Variants in TPM1 observed in about 807,000 individuals in gnomAD.
TPM1 encodes the protein tropomyosin alpha-1 chain.
Under a neutral mutation model 42.9 loss-of-function variants are expected in TPM1, and 24 were observed. The ratio of observed to expected loss-of-function variants is 0.56; its 90% CI spans 0.41 to 0.79. The LOEUF is 0.79. TPM1 is among the 30% of genes least tolerant of loss of function. The pLI is 0.00. For synonymous variants in TPM1, 136 were observed against 130.1 expected (o/e 1.05, Z -0.31); for missense variants, 158 against 351.8 (o/e 0.45, Z 4.41).
chr15:63,060,622 G>T (rs1385324541), intron 4 of TPM1, among the ~76,000 whole-genome samples: 1 of 152,170 alleles, frequency 6.6e-6, no homozygotes, highest in African/African-American at 2.4e-5. Flanking sequence ...GTTCACCTAG[G>T]TCAGACTTCC....
intron 9 of TPM1, chr15:63,064,779 C>CA (rs2036087587): frequency 1.6e-6 from 1 of 643,430 alleles, no homozygotes; most frequent in Non-Finnish European, 1.9e-6. Flanking sequence ...TCCTGGCTAA[C>CA]ACGGTGAAAC....
At chr15:63,068,283 G>A (rs1010838244), downstream of TPM1, among the ~76,000 whole-genome samples, 1 of 152,168 alleles carries the variant, frequency 6.6e-6, no homozygotes, top group Non-Finnish European at 1.5e-5. Context: ...AAGCGAGTCC[G>A]AACTAATAGG....
At chr15:63,048,562 T>C (rs2140725861) in intron 2 of TPM1, 2 of 1,521,952 alleles carry the variant, frequency 1.3e-6, no homozygotes, top group Non-Finnish European at 8.8e-7. Flanking sequence ...CCCGCCCGCC[T>C]ACCGTCCGGC....
chr15:63,064,229 C>T, intron 9 of TPM1, 87 bp downstream of exon 9: 1 of 1,558,794 alleles, frequency 6.4e-7, no homozygotes. Context: ...GCTCCCTAAT[C>T]TCCATCTTTG....
Position 63,044,117 on chromosome 15 carries a change from G to T in TPM1, c.205G>T (p.Glu69Ter). The change falls in exon 2 of 10, where the codon GAG becomes TAG. Residue 69 changes from glutamate (E) to a stop codon, truncating the protein, a stop_gained. Coordinates refer to ENST00000403994, the MANE Select transcript of TPM1 (RefSeq NM_001018005.2). LOFTEE classifies it high-confidence loss of function. ...KYSEALKDAQ[E>*]KLELAEKKAT... Reference sequence around the variant, plus strand: ...CTCTGAGGCTCTCAAAGATGCCCAGGAGAAGCTGGAGCTGGCAGAGAAAAA... The same window carrying T: ...CTCTGAGGCTCTCAAAGATGCCCAGTAGAAGCTGGAGCTGGCAGAGAAAAA... The T allele has an allele frequency of 6.2e-7, 1 of 1,614,208 alleles. No homozygotes were observed. Among genetic ancestry groups the T allele is most frequent in the Non-Finnish European group, 8.5e-7 (1 of 1,180,034 alleles).
chr15:63,068,725 T>TC (rs758062495), downstream of TPM1, among the ~76,000 whole-genome samples: 1 of 152,074 alleles, frequency 6.6e-6, no homozygotes, highest in Admixed American at 6.5e-5. Flanking sequence ...GCACTTGTTT[T>TC]CCCCCGTAAG....
downstream of TPM1, chr15:63,070,036 A>C: frequency 6.3e-7 from 1 of 1,592,816 alleles, no homozygotes; most frequent in Non-Finnish European, 8.6e-7. Flanking sequence ...ATAGAGTTGA[A>C]AACAGTTGCT....
intron 5 of TPM1, 149 bp from the exon 6 acceptor site, chr15:63,061,564 A>G (rs376770370): frequency 8.3e-6 from 7 of 848,392 alleles, no homozygotes; most frequent in Non-Finnish European, 1.4e-5. Context: ...TGGAAAACCT[A>G]AACATTTTAA....
exon 9 of TPM1, chr15:63,071,881 T>C (rs1474499701): frequency 1.3e-5 from 2 of 153,046 alleles, no homozygotes. Context: ...TATAATGATA[T>C]GGAATAAAAT....
chr15:63,051,214 A>G (rs2033789577), intron 2 of TPM1, among the ~76,000 whole-genome samples: 1 of 152,234 alleles, frequency 6.6e-6, no homozygotes, highest in South Asian at 2.1e-4. Context: ...GTTCTTAATT[A>G]GTAACATGAT....
rs924175776 is a variant in TPM1 at position 63,071,325 on chromosome 15, C to G, written c.*153C>G. ...GGTCAGGGGGTGGGGAAAACACATA[C>G]AAAAAGGCAAGCCCATGTCAGGGCG... On this transcript the variant is annotated 3_prime_UTR_variant, in exon 9 of 9. Transcript: ENST00000267996. 4 of 826,618 alleles carry G rather than the reference C, an allele frequency of 4.8e-6. No individual in the cohort carries two copies. In the East Asian group the frequency reaches 8.7e-5, roughly 18 times the overall value. The allele number at this position is 826,618 out of a possible 1,614,324, so 51.2% of individuals were successfully genotyped here. A position where few individuals can be genotyped will look rare whatever the true frequency, so the allele number is the denominator to read the frequency against.
chr15:63,047,574 G>A (rs1487239344), intron 2 of TPM1: 1 of 152,250 alleles, frequency 6.6e-6, no homozygotes, highest in African/African-American at 2.4e-5. Context: ...AGATCTCAGA[G>A]GCTGGTCTGA....
chr15:63,067,157 C>T (rs1321109158), downstream of TPM1, among the ~76,000 whole-genome samples: 4 of 151,690 alleles, frequency 2.6e-5, no homozygotes, highest in African/African-American at 7.3e-5. Context: ...TTTTTTAGCC[C>T]GAGAGGGCTG....
rs1002469260 is a variant in TPM1, at chr15:63,042,778, C to T, written c.-52C>T. 7.3e-6 allele frequency: 11 copies of T among 1,516,556 alleles called. No homozygotes were observed. In the Middle Eastern group the frequency reaches 5.6e-4, roughly 78 times the overall value. 93.9% of individuals were successfully genotyped at this position (1,516,556 alleles called of 1,614,324 possible). A position where few individuals can be genotyped will look rare whatever the true frequency, so the allele number is the denominator to read the frequency against. On this transcript the variant is annotated 5_prime_UTR_variant, in exon 1 of 10. Coordinates refer to ENST00000403994, the MANE Select transcript of TPM1 (RefSeq NM_001018005.2). Reference sequence around the variant, plus strand: ...ACTCCCGCTCCTCCGCCCGACCGCGCGCTCGCCCCGCCGCTCCTGCTGCAG... The same window carrying T: ...ACTCCCGCTCCTCCGCCCGACCGCGTGCTCGCCCCGCCGCTCCTGCTGCAG...
downstream of TPM1, among the ~76,000 whole-genome samples, chr15:63,068,671 A>C (rs2036421941): frequency 6.6e-6 from 1 of 152,176 alleles, no homozygotes; most frequent in Non-Finnish European, 1.5e-5. Flanking sequence ...CTTGCTTGTC[A>C]TAGCTTGGAT....
Position 63,062,199 on chromosome 15 carries a change from C to T in TPM1, c.640-16C>T. The T allele has an allele frequency of 6.2e-7, 1 of 1,613,004 alleles. No individual in the cohort carries two copies. Among genetic ancestry groups the T allele is most frequent in the Non-Finnish European group, 8.5e-7 (1 of 1,179,038 alleles). ...GAGCTGCAGCCTGACATCTGGAATG[C>T]TCTTTCTAATTACAGTACTCGCAGA... On this transcript the variant is annotated splice_polypyrimidine_tract_variant and intron_variant, in intron 6 of 9. Coordinates refer to ENST00000403994, the MANE Select transcript of TPM1 (RefSeq NM_001018005.2).
At chr15:63,048,403 G>C (rs1285986544) in intron 2 of TPM1, 1 of 1,358,602 alleles carries the variant, frequency 7.4e-7, no homozygotes, top group African/African-American at 1.6e-5. Flanking sequence ...CGCAGCCCTG[G>C]AGGCTGCGAC....
At chr15:63,071,230 C>T in exon 9 of TPM1, 1 of 857,904 alleles carries the variant, frequency 1.2e-6, no homozygotes, top group Non-Finnish European at 1.8e-6. Flanking sequence ...TTTTAAACAC[C>T]TGCTTACCCC....
At chr15:63,062,829 G>A (rs937612677) in intron 8 of TPM1, 184 bp downstream of exon 8, 36 of 1,532,978 alleles carry the variant, frequency 2.3e-5, no homozygotes, top group Middle Eastern at 3.3e-4. Flanking sequence ...TTCTGCTCAC[G>A]AGGTGACTAG....
Sources: gnomAD v4.1 joint callset for allele counts (sites outside exome capture counted in the v4.1 genomes callset) on GRCh38, gnomAD v4.1.1 for gene constraint, MANE v1.5 for transcripts, NCBI Gene and HGNC (gene_info 2026-07-23, HGNC 2026-07-21) for gene names.